Variants in NRXN1 observed in about 807,000 individuals in gnomAD.
NRXN1 encodes neurexin 1, also known as neurexin-1.
Under a neutral mutation model 150.9 loss-of-function variants are expected in NRXN1, and 39 were observed. The ratio of observed to expected loss-of-function variants is 0.26; its 90% confidence interval spans 0.20 to 0.34. NRXN1 has a LOEUF of 0.34. Among genes scored for constraint, NRXN1 ranks in the 10% least tolerant of loss-of-function variants. The pLI is 1.00. For synonymous variants in NRXN1, 924 were observed against 757.0 expected (o/e 1.22, Z -3.62); for missense variants, 1,815 against 1,949.9 (o/e 0.93, Z 1.30).
intron 17 of NRXN1, among the ~76,000 whole-genome samples, chr2:50,388,862 A>G (rs1227569181): frequency 6.6e-6 from 1 of 151,324 alleles, no homozygotes; most frequent in African/African-American, 2.5e-5. Flanking sequence ...GCAACAGCAA[A>G]GTAAAAAAAA....
intron 2 of NRXN1, among the ~76,000 whole-genome samples, chr2:51,010,109 T>A (rs1484452047): frequency 6.6e-6 from 1 of 151,978 alleles, no homozygotes; most frequent in Non-Finnish European, 1.5e-5. Flanking sequence ...GAAAGTCATA[T>A]AATGGGTCTC....
chr2:50,730,677 T>C (rs1033995950), intron 5 of NRXN1, among the ~76,000 whole-genome samples: 4 of 144,846 alleles, frequency 2.8e-5, no homozygotes, highest in Non-Finnish European at 3.0e-5. Flanking sequence ...GTTTTCTTTT[T>C]TTTTTTTTTT....
At chr2:50,755,131 C>A (rs901622193) in intron 5 of NRXN1, among the ~76,000 whole-genome samples, 1 of 151,776 alleles carries the variant, frequency 6.6e-6, no homozygotes, top group Non-Finnish European at 1.5e-5. Context: ...CCGCCAGAGC[C>A]TTCTTGAGAA....
chr2:50,040,127 T>A (rs894540740), intron 21 of NRXN1, among the ~76,000 whole-genome samples: 7 of 152,054 alleles, frequency 4.6e-5, no homozygotes, highest in African/African-American at 1.7e-4. Flanking sequence ...TCAGACAGAA[T>A]GTTAAAGTTA....
At chr2:49,978,240 G>T (rs181572611) in intron 21 of NRXN1, among the ~76,000 whole-genome samples, 2 of 152,208 alleles carry the variant, frequency 1.3e-5, no homozygotes, top group East Asian at 3.9e-4. Context: ...GGAAACTTCT[G>T]TAACTCTCAA....
At chr2:49,988,098 T>C (rs1681237614) in intron 21 of NRXN1, among the ~76,000 whole-genome samples, 2 of 152,108 alleles carry the variant, frequency 1.3e-5, no homozygotes, top group African/African-American at 2.4e-5. Context: ...ATTTATACAT[T>C]CATCCCTGCT....
intron 18 of NRXN1, among the ~76,000 whole-genome samples, chr2:50,154,727 T>C (rs929982653): frequency 1.3e-5 from 2 of 151,774 alleles, no homozygotes; most frequent in Non-Finnish European, 2.9e-5. Flanking sequence ...TCTGCAGATA[T>C]AATTTGCCTG....
rs150388806 is a variant in NRXN1, at chr2:50,097,502, G to A, written c.3547-6008C>T. 8.5e-4 allele frequency among the ~76,000 whole-genome samples: 129 copies of A among 152,322 alleles called. 2 individuals carry two copies. The East Asian group carries it at 0.021, about 25-fold the overall frequency. ...AGACTAATCCTCACCAGGGAGCAAAGGTTTTAAGGCATGAAGGGGAGTCTG... is the reference window on the plus strand; with the variant it reads ...AGACTAATCCTCACCAGGGAGCAAAAGTTTTAAGGCATGAAGGGGAGTCTG... On this transcript the variant is annotated intron_variant, in intron 18 of 22. Transcript: ENST00000401669.
chr2:51,024,961 C>G (rs781506445), intron 2 of NRXN1, among the ~76,000 whole-genome samples: 9 of 152,064 alleles, frequency 5.9e-5, no homozygotes, highest in Non-Finnish European at 8.8e-5. Context: ...TAGAAATCAT[C>G]TATCCCTAGC....
At position 50,347,203 on chromosome 2, in the gene NRXN1, C is replaced by T. The variant is rs1341705145; in HGVS notation, c.3365-110233G>A. On this transcript the variant is annotated intron_variant, in intron 17 of 22. Coordinates refer to ENST00000401669, the MANE Select transcript of NRXN1 (RefSeq NM_001330078.2). The surrounding 1 kb of genome is among the most constrained non-coding windows in gnomAD (Gnocchi z 4.9). ...GAGAGGGGCTTGTCCGGAAAGGCAG[C>T]CCCGGGAACAGCAAGCGCGGAGCGG... 3 of 1,346,440 alleles carry T rather than the reference C, an allele frequency of 2.2e-6. No homozygotes were observed. Among genetic ancestry groups the T allele is most frequent in the Non-Finnish European group, 1.9e-6 (2 of 1,027,268 alleles). 83.4% of individuals were successfully genotyped at this position (1,346,440 alleles called of 1,614,324 possible). A position where few individuals can be genotyped will look rare whatever the true frequency, so the allele number is the denominator to read the frequency against.
chr2:50,132,406 C>T (rs568261235), intron 18 of NRXN1, among the ~76,000 whole-genome samples: 8 of 150,960 alleles, frequency 5.3e-5, no homozygotes, highest in Admixed American at 4.6e-4. Flanking sequence ...CCTGTGTTCA[C>T]GCCATTCTCC....
At chr2:50,486,128 C>T (rs940149626) in intron 15 of NRXN1, among the ~76,000 whole-genome samples, 8 of 152,160 alleles carry the variant, frequency 5.3e-5, no homozygotes, top group East Asian at 1.9e-4. Context: ...TGATCGGTTG[C>T]GGTAAAACCA....
At chr2:50,667,933 T>G (rs1338030319) in intron 5 of NRXN1, among the ~76,000 whole-genome samples, 1 of 152,012 alleles carries the variant, frequency 6.6e-6, no homozygotes, top group African/African-American at 2.4e-5. Flanking sequence ...TCAGAAAATT[T>G]TCACATTTGA....
At chr2:50,490,477 A>T (rs994687584) in intron 15 of NRXN1, among the ~76,000 whole-genome samples, 2 of 152,190 alleles carry the variant, frequency 1.3e-5, no homozygotes, top group Non-Finnish European at 2.9e-5. Context: ...GCAGCAGGGG[A>T]AAAGCTTATG....
At chr2:50,907,785 G>A (rs560655873) in intron 5 of NRXN1, among the ~76,000 whole-genome samples, 1 of 152,078 alleles carries the variant, frequency 6.6e-6, no homozygotes, top group African/African-American at 2.4e-5. Context: ...GCTTCTAACA[G>A]AAATGCACCA....
At chr2:50,544,786 A>T (rs2093459672) in intron 9 of NRXN1, among the ~76,000 whole-genome samples, 1 of 152,152 alleles carries the variant, frequency 6.6e-6, no homozygotes, top group African/African-American at 2.4e-5. Context: ...CAAAGATTTC[A>T]TGTATGAAGG....
chr2:50,948,365 C>A (rs371313004), intron 2 of NRXN1, among the ~76,000 whole-genome samples: 7 of 151,938 alleles, frequency 4.6e-5, no homozygotes, highest in Non-Finnish European at 1.0e-4. Flanking sequence ...ACACATAAAT[C>A]ATTGCTAATC....
At chr2:50,492,570 CAA>C (rs1472930052) in intron 15 of NRXN1, among the ~76,000 whole-genome samples, 1 of 152,062 alleles carries the variant, frequency 6.6e-6, no homozygotes, top group African/African-American at 2.4e-5. Context: ...TGTCTGAAAA[CAA>C]AAGAAATTCT....
At chr2:49,977,963 A>G (rs1045418082) in intron 21 of NRXN1, among the ~76,000 whole-genome samples, 1 of 152,116 alleles carries the variant, frequency 6.6e-6, no homozygotes, top group Non-Finnish European at 1.5e-5. Context: ...GGAGATTGAC[A>G]CCATCCTGGC....
Sources: gnomAD v4.1 joint callset for allele counts (sites outside exome capture counted in the v4.1 genomes callset) on GRCh38, gnomAD v4.1.1 for gene constraint, Gnocchi (gnomAD v3.1) non-coding constraint, MANE v1.5 for transcripts, NCBI Gene and HGNC (gene_info 2026-07-23, HGNC 2026-07-21) for gene names.